The following GRIN2B variants were observed in gnomAD, a reference collection of about 807,000 sequenced individuals.
GRIN2B encodes glutamate receptor ionotropic, NMDA 2B.
Under a neutral mutation model 114.5 loss-of-function variants are expected in GRIN2B, and 5 were observed. The ratio of observed to expected loss-of-function variants is 0.04; its 90% CI spans 0.02 to 0.09. The LOEUF (loss-of-function observed/expected upper bound fraction) is 0.09. GRIN2B is among the 10% of genes least tolerant of loss of function. The probability of loss-of-function intolerance (pLI) is 1.00; values close to 1 mark genes in which losing one functional copy is unlikely to be tolerated. For missense variants in GRIN2B, 1,108 were observed against 1,943.5 expected (o/e 0.57, Z 8.08); for synonymous variants, 787 against 745.1 (o/e 1.06, Z -0.92).
intron 4 of GRIN2B, among the ~76,000 whole-genome samples, chr12:13,736,929 C>T (rs2136611156): frequency 6.7e-6 from 1 of 149,024 alleles, no homozygotes; most frequent in South Asian, 2.1e-4. Flanking sequence ...ACTTGGGAGG[C>T]TGAGGCAGGA....
intron 2 of GRIN2B, among the ~76,000 whole-genome samples, chr12:13,941,007 C>T (rs1401079881): frequency 6.6e-6 from 1 of 151,956 alleles, no homozygotes; most frequent in Non-Finnish European, 1.5e-5. Flanking sequence ...CTTTCACTAA[C>T]CATTATTATT....
chr12:13,940,253 A>C (rs1867216122), intron 2 of GRIN2B, among the ~76,000 whole-genome samples: 1 of 152,050 alleles, frequency 6.6e-6, no homozygotes, highest in African/African-American at 2.4e-5. Context: ...AAAACAATAC[A>C]ATTTACAGTT....
intron 3 of GRIN2B, among the ~76,000 whole-genome samples, chr12:13,835,609 G>A (rs1373567330): frequency 1.3e-5 from 2 of 151,840 alleles, no homozygotes; most frequent in Non-Finnish European, 2.9e-5. Flanking sequence ...CGTGCAATGG[G>A]GAAAAGGATG....
intron 2 of GRIN2B, among the ~76,000 whole-genome samples, chr12:13,935,958 T>C (rs1867121427): frequency 1.3e-5 from 2 of 152,096 alleles, no homozygotes; most frequent in Non-Finnish European, 2.9e-5. Flanking sequence ...CTAGAGACAA[T>C]TTCCTGACAG....
chr12:13,939,674 C>T (rs921000354), intron 2 of GRIN2B, among the ~76,000 whole-genome samples: 1 of 151,032 alleles, frequency 6.6e-6, no homozygotes, highest in Admixed American at 6.6e-5. Context: ...CCCAGTTCAG[C>T]CTCCTGAGTA....
chr12:13,762,471 T>G (rs970570744), intron 3 of GRIN2B, among the ~76,000 whole-genome samples: 1 of 152,232 alleles, frequency 6.6e-6, no homozygotes, highest in Non-Finnish European at 1.5e-5. Flanking sequence ...CTAGCGGCAT[T>G]TTTCAGAGTA....
chr12:13,610,097 C>T (rs1285772402), intron 9 of GRIN2B: 1 of 152,234 alleles, frequency 6.6e-6, no homozygotes, highest in East Asian at 1.9e-4. Flanking sequence ...AGCATCTGCT[C>T]AGCCAAATAA....
chr12:13,622,739 A>T (rs1214061616), intron 5 of GRIN2B, among the ~76,000 whole-genome samples: 2 of 152,096 alleles, frequency 1.3e-5, no homozygotes, highest in African/African-American at 2.4e-5. Flanking sequence ...AGTATGTGTG[A>T]GAGAGAGAGC....
chr12:13,888,693 C>T (rs1007210002), intron 2 of GRIN2B, among the ~76,000 whole-genome samples: 1 of 150,956 alleles, frequency 6.6e-6, no homozygotes, highest in African/African-American at 2.4e-5. Context: ...GAGATCGCAC[C>T]ACTGCATTCC....
chr12:13,700,682 T>C (rs915819239), intron 4 of GRIN2B, among the ~76,000 whole-genome samples: 7 of 152,166 alleles, frequency 4.6e-5, no homozygotes, highest in African/African-American at 1.7e-4. Flanking sequence ...GAGTGGATCC[T>C]CCAGCCCTCG....
chr12:13,567,548 T>C lies in GRIN2B; in HGVS notation c.2360-285A>G, dbSNP rs1806207. Among the ~76,000 whole-genome samples the C allele has an allele frequency of 7.2e-5, 11 of 152,306 alleles. No homozygotes were observed. In the South Asian group the frequency reaches 1.9e-3, roughly 26 times the overall value. ...TGCTCCCGCTCTCCATTATCTAGCCTGTATAAATTGGCATATAAATAATCA... is the reference window on the plus strand; with the variant it reads ...TGCTCCCGCTCTCCATTATCTAGCCCGTATAAATTGGCATATAAATAATCA... On this transcript the variant is annotated intron_variant, in intron 12 of 13. Coordinates refer to ENST00000609686, the MANE Select transcript of GRIN2B (RefSeq NM_000834.5).
intron 3 of GRIN2B, among the ~76,000 whole-genome samples, chr12:13,807,710 T>C (rs924612956): frequency 2.3e-4 from 1 of 4,348 alleles, no homozygotes; most frequent in Non-Finnish European, 7.8e-4. Flanking sequence ...AGCAGAAGGC[T>C]TTTTTTTTTT....
rs536349730 is a variant in GRIN2B at position 13,679,207 on chromosome 12, A to G, written c.1011-3348T>C. Among the ~76,000 whole-genome samples, 16 of 152,316 alleles carry G rather than the reference A, an allele frequency of 1.1e-4. 1 individual carries two copies. In the South Asian group the frequency reaches 3.3e-3, roughly 32 times the overall value. On this transcript the variant is annotated intron_variant, in intron 4 of 13. Coordinates refer to ENST00000609686, the MANE Select transcript of GRIN2B (RefSeq NM_000834.5). ...CTAAAACACCATTAAGAATATTTAA[A>G]GGAAAGTATCTATTTCAGAAGGCAA... is the stretch of plus-strand genomic sequence containing the variant.
rs1482794279 is a variant in GRIN2B at position 13,562,877 on chromosome 12, G to C, written c.4361C>G (p.Pro1454Arg). The C allele has an allele frequency of 1.2e-6, 2 of 1,614,018 alleles. No homozygotes were observed. The highest frequency in any genetic ancestry group is 1.3e-5 in the African/African-American group (1 of 74,934). ...GGGGTTTTTGTTGTTAGGCACACAG[G>C]GGTTGGACTGGTTCCCTATACAGAT... is the stretch of plus-strand genomic sequence containing the variant. ...KDICIGNQSN[P>R]CVPNNKNPRA... The change falls in exon 14 of 14, where the codon CCC becomes CGC. Residue 1454 changes from proline to arginine, a missense_variant. This residue lies in a region of GRIN2B where 478 missense variants were observed against 506.0 expected (regional missense o/e 0.94). Transcript: ENST00000609686.
At chr12:13,750,776 G>A (rs138837234) in intron 4 of GRIN2B, among the ~76,000 whole-genome samples, 229 of 152,302 alleles carry the variant, frequency 1.5e-3, no homozygotes, top group African/African-American at 5.3e-3. Context: ...ATTCACTTCC[G>A]TGTGCCATGC....
At chr12:13,786,231 A>G (rs1864219063) in intron 3 of GRIN2B, among the ~76,000 whole-genome samples, 1 of 152,188 alleles carries the variant, frequency 6.6e-6, no homozygotes, top group Non-Finnish European at 1.5e-5. Context: ...AAGGGTCCCA[A>G]GGCTAGAGGG....
intron 4 of GRIN2B, among the ~76,000 whole-genome samples, chr12:13,682,632 C>G (rs1950141706): frequency 6.6e-6 from 1 of 152,046 alleles, no homozygotes; most frequent in African/African-American, 2.4e-5. Context: ...ATCTTAAATT[C>G]TAAATTAGTG....
intron 3 of GRIN2B, among the ~76,000 whole-genome samples, chr12:13,799,510 C>G (rs968674329): frequency 6.6e-6 from 1 of 152,176 alleles, no homozygotes; most frequent in African/African-American, 2.4e-5. Flanking sequence ...ATTGCTAGAC[C>G]TGATCTCAGG....
intron 4 of GRIN2B, among the ~76,000 whole-genome samples, chr12:13,730,198 T>C (rs1339834808): frequency 6.6e-6 from 1 of 152,156 alleles, no homozygotes; most frequent in East Asian, 1.9e-4. Context: ...TATAGATTTA[T>C]GTCTTATAAA....
Sources: allele counts gnomAD v4.1 joint callset (sites outside exome capture counted in the v4.1 genomes callset), GRCh38; gene constraint gnomAD v4.1.1; regional missense constraint gnomAD v4.1.1; transcripts MANE v1.5; gene names NCBI Gene and HGNC (gene_info 2026-07-23, HGNC 2026-07-21).